The following C19orf38 variants were observed in gnomAD, a reference collection of about 807,000 sequenced individuals.
C19orf38 encodes chromosome 19 open reading frame 38.
In C19orf38, 14 loss-of-function variants were observed where a neutral mutation model predicts 26.6. That is an observed-to-expected ratio of 0.53 (90% CI 0.35 to 0.82). The LOEUF (loss-of-function observed/expected upper bound fraction) is 0.82. C19orf38 is among the 40% of genes least tolerant of loss of function. The pLI, the probability that C19orf38 is intolerant of heterozygous loss-of-function variation, is 0.01. For synonymous variants in C19orf38, 132 were observed against 128.5 expected (o/e 1.03, Z -0.18); for missense variants, 261 against 299.5 (o/e 0.87, Z 0.95).
intron 1 of C19orf38, among the ~76,000 whole-genome samples, chr19:10,848,899 G>A (rs530935480): frequency 5.3e-5 from 8 of 151,852 alleles, no homozygotes; most frequent in Admixed American, 4.6e-4. Flanking sequence ...GTGGGTGGGG[G>A]TTGGAGGCTG....
intron 2 of C19orf38, among the ~76,000 whole-genome samples, chr19:10,855,937 TACAGGCATGAA>T (rs1488208101): frequency 6.6e-6 from 1 of 152,160 alleles, no homozygotes; most frequent in Non-Finnish European, 1.5e-5. Context: ...GTGTTGGGAT[TACAGGCATGAA>T]TCACCGCACC....
chr19:10,850,559 C>T lies in C19orf38; in HGVS notation c.332C>T (p.Ser111Phe), dbSNP rs770857777. The T allele has an allele frequency of 1.4e-5, 22 of 1,551,554 alleles. No homozygotes were observed. The highest frequency in any genetic ancestry group is 1.9e-5 in the Non-Finnish European group (22 of 1,146,990). ...GACCTCAGCGAGCCCGTGAACGTCT[C>T]CTTCCCAGGTAAGGCCCTTCTATGG... ...LSDLSEPVNV[S>F]FPVPTWILVL... Residue 111 changes from serine to phenylalanine, a missense_variant, in exon 2 of 7, where the codon TCC becomes TTC. Ser to Phe is a radical substitution (Grantham distance 155, BLOSUM62 -2). Coordinates refer to ENST00000397820, the MANE Select transcript of C19orf38 (RefSeq NM_001136482.3).
rs757036743 is a variant in C19orf38 at position 10,850,344 on chromosome 19, G to A, written c.117G>A (p.Met39Ile). 1 of 1,551,292 alleles carries A rather than the reference G, an allele frequency of 6.4e-7. No individual in the cohort carries two copies. The highest frequency in any genetic ancestry group is 8.7e-7 in the Non-Finnish European group (1 of 1,146,888). Reference protein sequence around the residue: ...SQEDPIHIACMAPGNFPGANF... With the variant: ...SQEDPIHIACIAPGNFPGANF... ...AGGACCCCATCCACATCGCATGCATGGCCCCTGGGAACTTCCCGGGGGCGA... is the reference window on the plus strand; with the variant it reads ...AGGACCCCATCCACATCGCATGCATAGCCCCTGGGAACTTCCCGGGGGCGA... Residue 39 changes from methionine (M) to isoleucine (I), a missense_variant, in exon 2 of 7, where the codon ATG becomes ATA. By Grantham distance (10) the Met-to-Ile change is conservative. Transcript: ENST00000397820.
intron 1 of C19orf38, among the ~76,000 whole-genome samples, chr19:10,838,718 G>T (rs2073456750): frequency 6.6e-6 from 1 of 152,074 alleles, no homozygotes; most frequent in Non-Finnish European, 1.5e-5. Flanking sequence ...ATGGGTTGCT[G>T]GTCCATAGCA....
chr19:10,864,286 C>G (rs1279139634), intron 6 of C19orf38, among the ~76,000 whole-genome samples: 1 of 152,052 alleles, frequency 6.6e-6, no homozygotes, highest in Non-Finnish European at 1.5e-5. Flanking sequence ...GTCTCAAACT[C>G]CTGACCTCAG....
chr19:10,843,189 A>G (rs1228738654), intron 1 of C19orf38, among the ~76,000 whole-genome samples: 3 of 152,226 alleles, frequency 2.0e-5, no homozygotes, highest in African/African-American at 7.2e-5. Flanking sequence ...TAGAAAACCA[A>G]TTAGGAAAGG....
chr19:10,859,278 GTA>G lies in C19orf38; in HGVS notation c.462-635_462-634del, dbSNP rs1165048474. Among the ~76,000 whole-genome samples, 389 of 79,968 alleles carry G rather than the reference GTA, an allele frequency of 4.9e-3. 1 individual carries two copies. The highest frequency in any genetic ancestry group is 8.6e-3 in the East Asian group (20 of 2,338). The allele number at this position is 79,968 out of a possible 152,430, so 52.5% of individuals were successfully genotyped here. ...TGTGTGTGTGTGTGTGTGTGTGTGT[GTA>G]TGTGTGTGTGTATATGTGTGTGTGT... On this transcript the variant is annotated intron_variant, in intron 4 of 6. Transcript: ENST00000397820.
At position 10,869,678 on chromosome 19, in the gene C19orf38, G is replaced by A. The variant is rs999300788; in HGVS notation, c.*311G>A. 11 of 334,270 alleles carry A rather than the reference G, an allele frequency of 3.3e-5. No homozygotes were observed. Among genetic ancestry groups the A allele is most frequent in the Admixed American group, 1.5e-4 (3 of 20,450 alleles). The allele number at this position is 334,270 out of a possible 1,614,324, so 20.7% of individuals were successfully genotyped here. A position where few individuals can be genotyped will look rare whatever the true frequency, so the allele number is the denominator to read the frequency against. On this transcript the variant is annotated 3_prime_UTR_variant, in exon 7 of 7. Transcript: ENST00000397820. ...AGACGTCCCAGGTCTCTGCACACCC[G>A]TGGAATTCCTCCCTTCCCCAGTGGG...
intron 1 of C19orf38, among the ~76,000 whole-genome samples, chr19:10,838,813 G>T (rs1320847752): frequency 6.6e-6 from 1 of 152,124 alleles, no homozygotes; most frequent in Non-Finnish European, 1.5e-5. Context: ...GAACAGGTGT[G>T]CCATTTGCAT....
rs117724430 is a variant in C19orf38, at chr19:10,848,489, C to T, written c.-20C>T. Reference sequence around the variant, plus strand: ...GCCCCTCTGGCCTCAGCCGGATTTCCCAGCCAAACGCAGAGAGAGATGCCC... The same window carrying T: ...GCCCCTCTGGCCTCAGCCGGATTTCTCAGCCAAACGCAGAGAGAGATGCCC... On this transcript the variant is annotated 5_prime_UTR_variant, in exon 1 of 7. Transcript: ENST00000397820. The T allele has an allele frequency of 1.2e-4, 187 of 1,551,606 alleles. 1 individual carries two copies. The East Asian group carries it at 1.7e-3, about 14-fold the overall frequency.
chr19:10,851,954 G>A (rs375773560), intron 2 of C19orf38, among the ~76,000 whole-genome samples: 2,775 of 137,628 alleles, frequency 0.02, 41 homozygotes, highest in Middle Eastern at 0.097. Context: ...CGGCCTGGGC[G>A]ACAGAGCGAG....
chr19:10,867,359 C>T (rs1050695009), intron 6 of C19orf38, among the ~76,000 whole-genome samples: 1 of 150,428 alleles, frequency 6.6e-6, no homozygotes, highest in African/African-American at 2.4e-5. Context: ...AATGCCAGCA[C>T]TTTGGGAGGC....
chr19:10,863,198 C>G lies in C19orf38; in HGVS notation c.534C>G (p.Thr178=), dbSNP rs1432489857. 2 of 1,551,386 alleles carry G rather than the reference C, an allele frequency of 1.3e-6. No individual in the cohort carries two copies. The highest frequency in any genetic ancestry group is 2.7e-5 in the African/African-American group (2 of 73,136). Residue 178 remains threonine, a synonymous_variant, in exon 6 of 7, where the codon ACC becomes ACG. Transcript: ENST00000397820. ...TGTCCTTCGATAACTCCCTGTTTAC[C>G]GTCTCCGCGGTGAGTGGTTCTTTTT... ...TDMSFDNSLF[T]VSAKTMPEED... is the part of the protein sequence containing the mutation.
intron 6 of C19orf38, among the ~76,000 whole-genome samples, chr19:10,868,539 A>G (rs1468579592): frequency 3.9e-5 from 6 of 152,178 alleles, no homozygotes; most frequent in Non-Finnish European, 7.3e-5. Context: ...TTTGAGACCA[A>G]GTCTCACTTT....
In C19orf38 at chr19:10,843,102, G is replaced by C. The variant is rs2073491194; in HGVS notation, c.-68-5339G>C. On this transcript the variant is annotated intron_variant, in intron 1 of 7. Transcript: ENST00000592854. The stretch of plus-strand genomic sequence containing the variant: ...GGGCTTTTTATGGACTCAGAATGGG[G>C]AATGTGTGCTGATTGGATTGTGAGT... 3.9e-5 allele frequency among the ~76,000 whole-genome samples: 6 copies of C among 152,310 alleles called. No individual in the cohort carries two copies. The South Asian group carries it at 1.2e-3, about 32-fold the overall frequency.
chr19:10,852,457 T>C (rs1365172193), intron 2 of C19orf38, among the ~76,000 whole-genome samples: 1 of 152,076 alleles, frequency 6.6e-6, no homozygotes, highest in Non-Finnish European at 1.5e-5. Context: ...TGAAGTAGAG[T>C]AGGGCGACTG....
upstream of C19orf38, among the ~76,000 whole-genome samples, chr19:10,845,160 C>CAAA (rs200149496): frequency 8.2e-6 from 1 of 122,248 alleles, no homozygotes. Flanking sequence ...ACCTTGTCTC[C>CAAA]AAAAAAAAAA....
chr19:10,868,584 G>A (rs1167962779), intron 6 of C19orf38, among the ~76,000 whole-genome samples: 1 of 152,156 alleles, frequency 6.6e-6, no homozygotes, highest in Non-Finnish European at 1.5e-5. Context: ...CAGGATCTCA[G>A]CTCACTGCAA....
intron 1 of C19orf38, among the ~76,000 whole-genome samples, chr19:10,841,667 A>G (rs1001172577): frequency 6.6e-6 from 1 of 152,030 alleles, no homozygotes; most frequent in African/African-American, 2.4e-5. Flanking sequence ...AGCCTCTGAC[A>G]GTGAATAAAA....
Sources: allele counts gnomAD v4.1 joint callset (sites outside exome capture counted in the v4.1 genomes callset), GRCh38; gene constraint gnomAD v4.1.1; transcripts MANE v1.5; gene names NCBI Gene and HGNC (gene_info 2026-07-23, HGNC 2026-07-21).